AFF4: variants seen among roughly 807,000 people sequenced by gnomAD.
AFF4 encodes the protein AF4/FMR2 family member 4.
Under a neutral mutation model 124.8 loss-of-function variants are expected in AFF4, and 13 were observed. The observed-to-expected ratio is 0.10, with a 90% CI of 0.07 to 0.17. AFF4 has a LOEUF of 0.17. Ranked by LOEUF, AFF4 falls within the 10% of genes least tolerant of loss-of-function variation. The pLI is 1.00. For synonymous variants in AFF4, 477 were observed against 496.1 expected (o/e 0.96, Z 0.51); for missense variants, 1,092 against 1,403.8 (o/e 0.78, Z 3.55).
At chr5:132,921,188 C>G (rs1761035808) in intron 5 of AFF4, among the ~76,000 whole-genome samples, 1 of 150,978 alleles carries the variant, frequency 6.6e-6, no homozygotes, top group African/African-American at 2.4e-5. Context: ...AGACACTGCA[C>G]CAAAGATGGG....
Position 132,897,582 on chromosome 5 carries a change from C to T in AFF4, c.1390-342G>A, listed in dbSNP as rs189298844. ...AAAATTAGTCAGATGCGGTGGCGCA[C>T]GCCTGTAATCCCAGCTACTCAGGAG... On this transcript the variant is annotated intron_variant, in intron 10 of 20. Coordinates refer to ENST00000265343, the MANE Select transcript of AFF4 (RefSeq NM_014423.4). Among the ~76,000 whole-genome samples the T allele has an allele frequency of 1.7e-3, 253 of 152,070 alleles. 1 individual carries two copies. The highest frequency in any genetic ancestry group is 2.8e-3 in the Non-Finnish European group (190 of 68,012).
chr5:132,875,650 A>T lies in AFF4; in HGVS notation c.*5409T>A, dbSNP rs1466375258. The stretch of plus-strand genomic sequence containing the variant: ...ATAATATACTATACAGATGTGGAAA[A>T]ATCTAGTTAGTATATAATACTTTGC... On this transcript the variant is annotated 3_prime_UTR_variant, in exon 21 of 21. Transcript: ENST00000265343. The T allele has an allele frequency of 5.0e-6, 1 of 198,612 alleles. No individual in the cohort carries two copies. The highest frequency in any genetic ancestry group is 1.0e-5 in the Non-Finnish European group (1 of 95,858). The allele number at this position is 198,612 out of a possible 1,614,324, so 12.3% of individuals were successfully genotyped here.
At chr5:132,938,047 C>T (rs954395314) in intron 1 of AFF4, among the ~76,000 whole-genome samples, 5 of 151,404 alleles carry the variant, frequency 3.3e-5, no homozygotes, top group Non-Finnish European at 7.4e-5. Context: ...CTAGGGATTA[C>T]CAGGGAATCT....
chr5:132,963,425 A>G lies in AFF4; in HGVS notation c.-171T>C, dbSNP rs1762127424. ...GGCGGGGGTTCCGGAGGCCTCGACA[A>G]ACGAAGGCGGCGTCGGCGGCGGCGG... On this transcript the variant is annotated 5_prime_UTR_variant, in exon 1 of 21. Coordinates refer to ENST00000265343, the MANE Select transcript of AFF4 (RefSeq NM_014423.4). 2.5e-6 allele frequency: 1 copy of G among 398,094 alleles called. No homozygotes were observed. Among genetic ancestry groups the G allele is most frequent in the Non-Finnish European group, 4.4e-6 (1 of 225,826 alleles). The allele number at this position is 398,094 out of a possible 1,614,324, so 24.7% of individuals were successfully genotyped here. A position where few individuals can be genotyped will look rare whatever the true frequency, so the allele number is the denominator to read the frequency against.
intron 1 of AFF4, among the ~76,000 whole-genome samples, chr5:132,954,785 G>A (rs1291999913): frequency 1.3e-5 from 2 of 152,118 alleles, no homozygotes; most frequent in East Asian, 3.9e-4. Flanking sequence ...CTGACCTCGT[G>A]ATCCGCCCGC....
intron 20 of AFF4, among the ~76,000 whole-genome samples, chr5:132,881,590 C>G (rs942587677): frequency 6.6e-6 from 1 of 152,214 alleles, no homozygotes; most frequent in Non-Finnish European, 1.5e-5. Context: ...TTGCCTGTTT[C>G]CTGTAACAGC....
At chr5:132,928,770 A>T in intron 4 of AFF4, among the ~76,000 whole-genome samples, 1 of 152,214 alleles carries the variant, frequency 6.6e-6, no homozygotes, top group East Asian at 1.9e-4. Flanking sequence ...CGTCCTAGTT[A>T]ATGTTTAGCT....
At chr5:132,938,441 T>G (rs938695664) in intron 1 of AFF4, among the ~76,000 whole-genome samples, 5 of 151,754 alleles carry the variant, frequency 3.3e-5, no homozygotes, top group African/African-American at 1.2e-4. Context: ...AATTTTTTTA[T>G]TTTTAGTAGA....
intron 3 of AFF4, among the ~76,000 whole-genome samples, chr5:132,932,491 GAATGT>G (rs1187804597): frequency 6.6e-6 from 1 of 152,004 alleles, no homozygotes; most frequent in East Asian, 1.9e-4. Context: ...ATAATTTTTA[GAATGT>G]AATTTTTCAG....
At chr5:132,886,485 G>C (rs1305579424) in intron 17 of AFF4, 82 bp from the exon 18 acceptor site, 9 of 1,260,400 alleles carry the variant, frequency 7.1e-6, no homozygotes, top group African/African-American at 1.5e-5. Flanking sequence ...GCATTGTGCA[G>C]GAGACTGGCT....
intron 5 of AFF4, among the ~76,000 whole-genome samples, chr5:132,912,811 G>A (rs761474231): frequency 6.6e-6 from 1 of 151,126 alleles, no homozygotes; most frequent in Non-Finnish European, 1.5e-5. Flanking sequence ...CAGCAGAAAA[G>A]GATGGTATAA....
intron 3 of AFF4, among the ~76,000 whole-genome samples, chr5:132,933,832 T>A (rs1317579727): frequency 2.6e-5 from 4 of 152,248 alleles, no homozygotes; most frequent in African/African-American, 9.6e-5. Flanking sequence ...AACAAAGGTA[T>A]ATTGTTCTAT....
intron 3 of AFF4, among the ~76,000 whole-genome samples, 169 bp from the exon 4 acceptor site, chr5:132,932,391 G>A (rs777814957): frequency 6.6e-6 from 1 of 152,104 alleles, no homozygotes; most frequent in Non-Finnish European, 1.5e-5. Flanking sequence ...TCAAGCACCA[G>A]AAAATTTTAA....
intron 5 of AFF4, among the ~76,000 whole-genome samples, chr5:132,924,840 A>G (rs934571341): frequency 1.3e-5 from 2 of 151,844 alleles, no homozygotes; most frequent in Non-Finnish European, 2.9e-5. Context: ...ACTCCATCTC[A>G]AAACAAACTA....
rs2150057443 is a variant in AFF4, at chr5:132,876,110, T to C, written c.*4949A>G. The C allele has an allele frequency of 4.3e-6, 1 of 230,390 alleles. No individual in the cohort carries two copies. Among genetic ancestry groups the C allele is most frequent in the Non-Finnish European group, 8.6e-6 (1 of 116,292 alleles). 14.3% of individuals were successfully genotyped at this position (230,390 alleles called of 1,614,324 possible). A position where few individuals can be genotyped will look rare whatever the true frequency, so the allele number is the denominator to read the frequency against. On this transcript the variant is annotated 3_prime_UTR_variant, in exon 21 of 21. Coordinates refer to ENST00000265343, the MANE Select transcript of AFF4 (RefSeq NM_014423.4). The stretch of plus-strand genomic sequence containing the variant: ...AACGGAGGCTAGATAGAAATTTTCA[T>C]AACTGTGCTTACCAACCCCACAACT...
At chr5:132,920,978 T>C (rs557483260) in intron 5 of AFF4, among the ~76,000 whole-genome samples, 2 of 151,770 alleles carry the variant, frequency 1.3e-5, no homozygotes, top group African/African-American at 4.8e-5. Context: ...ATACAAAAAA[T>C]TAGTCAGGCA....
intron 5 of AFF4, among the ~76,000 whole-genome samples, chr5:132,914,149 A>C (rs1198462620): frequency 1.3e-5 from 2 of 151,990 alleles, no homozygotes; most frequent in Non-Finnish European, 2.9e-5. Flanking sequence ...AATCCTTTGA[A>C]CCGGTGAGGT....
At chr5:132,901,151 G>A (rs1760541542) in intron 7 of AFF4, 1 of 985,138 alleles carries the variant, frequency 1.0e-6, no homozygotes, top group Admixed American at 6.2e-5. Context: ...AATGTACTTA[G>A]TCTGAATTCT....
intron 5 of AFF4, among the ~76,000 whole-genome samples, chr5:132,924,111 A>G (rs1761116749): frequency 6.6e-6 from 1 of 152,024 alleles, no homozygotes; most frequent in Non-Finnish European, 1.5e-5. Flanking sequence ...AAAATCAGCC[A>G]GGCGTGGTGG....
Sources: allele counts gnomAD v4.1 joint callset (sites outside exome capture counted in the v4.1 genomes callset), GRCh38; gene constraint gnomAD v4.1.1; transcripts MANE v1.5; gene names NCBI Gene and HGNC (gene_info 2026-07-23, HGNC 2026-07-21).